PROM1: variants seen among roughly 807,000 people sequenced by gnomAD.
The protein encoded by PROM1 is prominin-1.
Under a neutral mutation model 116.9 loss-of-function variants are expected in PROM1, and 105 were observed. The observed-to-expected ratio is 0.90, with a 90% confidence interval of 0.77 to 1.06. The LOEUF (loss-of-function observed/expected upper bound fraction) is 1.06, where lower values mean the gene tolerates loss of function less well. PROM1 is among the 50% of genes least tolerant of loss of function. The pLI is 0.00. For missense variants in PROM1, 1,122 were observed against 1,045.2 expected, an observed-to-expected ratio of 1.07 and a Z score of -1.01; for synonymous variants, 393 against 387.0, an observed-to-expected ratio of 1.02 and a Z score of -0.18.
chr4:16,004,872 CCTCTCTCTCTCT>C (rs150797542), intron 13 of PROM1, among the ~76,000 whole-genome samples: 2 of 115,252 alleles, frequency 1.7e-5, no homozygotes, highest in Admixed American at 1.8e-4. Flanking sequence ...TCTCTCTCTC[CCTCTCTCTCTCT>C]CTCCCTCCCC....
At chr4:16,015,454 C>T (rs951857991) in intron 10 of PROM1, among the ~76,000 whole-genome samples, 3 of 150,820 alleles carry the variant, frequency 2.0e-5, no homozygotes, top group Non-Finnish European at 4.4e-5. Context: ...CTTTGGAAGG[C>T]CAAGGGGGGC....
At chr4:16,046,799 C>T (rs1442320369) in intron 2 of PROM1, among the ~76,000 whole-genome samples, 1 of 152,202 alleles carries the variant, frequency 6.6e-6, no homozygotes, top group Non-Finnish European at 1.5e-5. Flanking sequence ...GTGGGTACTT[C>T]AGAGACAGCA....
intron 3 of PROM1, among the ~76,000 whole-genome samples, chr4:16,038,665 T>C (rs1243923766): frequency 2.0e-5 from 3 of 152,066 alleles, no homozygotes; most frequent in Non-Finnish European, 4.4e-5. Flanking sequence ...CCTACCAAAG[T>C]GCTGGGATTA....
At chr4:16,045,027 A>C (rs910652330) in intron 2 of PROM1, among the ~76,000 whole-genome samples, 1 of 152,166 alleles carries the variant, frequency 6.6e-6, no homozygotes, top group African/African-American at 2.4e-5. Context: ...ACAGATGCTA[A>C]GAGACATGTT....
At chr4:15,991,482 ATAT>A (rs1368836345) in intron 17 of PROM1, among the ~76,000 whole-genome samples, 189 bp from the exon 18 acceptor site, 3 of 152,130 alleles carry the variant, frequency 2.0e-5, no homozygotes, top group Non-Finnish European at 4.4e-5. Flanking sequence ...TTATTCAATC[ATAT>A]TATTCAACTA....
intron 18 of PROM1, among the ~76,000 whole-genome samples, chr4:15,990,477 T>C (rs1720692765): frequency 6.6e-6 from 1 of 152,044 alleles, no homozygotes; most frequent in Non-Finnish European, 1.5e-5. Flanking sequence ...AAGCAACACA[T>C]GAAATCTTCC....
intron 18 of PROM1, among the ~76,000 whole-genome samples, chr4:15,990,934 C>T (rs1351577567): frequency 6.6e-6 from 1 of 152,274 alleles, no homozygotes; most frequent in Non-Finnish European, 1.5e-5. Flanking sequence ...GGTAGCCCCC[C>T]TCCAGAAGAG....
intron 25 of PROM1, 80 bp downstream of exon 25, chr4:15,979,801 T>C: frequency 8.1e-7 from 1 of 1,234,988 alleles, no homozygotes; most frequent in South Asian, 1.4e-5. Flanking sequence ...TGTTAATAAC[T>C]TAATTTTTAA....
chr4:15,992,526 G>A, intron 16 of PROM1, 135 bp from the exon 17 acceptor site: 1 of 909,376 alleles, frequency 1.1e-6, no homozygotes, highest in Non-Finnish European at 1.6e-6. Context: ...GCTGAGGTGG[G>A]AGGATCGCTT....
intron 2 of PROM1, among the ~76,000 whole-genome samples, chr4:16,063,867 A>G (rs1740907487): frequency 6.6e-6 from 1 of 152,190 alleles, no homozygotes; most frequent in Non-Finnish European, 1.5e-5. Context: ...GCTTCAAAGT[A>G]AAAGAAGGGG....
In PROM1 at chr4:16,025,202, T is replaced by C; in HGVS notation, c.620A>G (p.Glu207Gly). Residue 207 changes from glutamate to glycine, a missense_variant, in exon 6 of 28, where the codon GAA becomes GGA. Coordinates refer to ENST00000447510, the MANE Select transcript of PROM1 (RefSeq NM_006017.3). The stretch of plus-strand genomic sequence containing the variant: ...GATGATGGTTTTTACCTCTGGAGTT[T>C]CATTCAAGAGAGTTCGCAAGTCCTT... ...NFKDLRTLLN[E>G]TPEQIKYILA... 6.2e-7 allele frequency: 1 copy of C among 1,613,810 alleles called. No individual in the cohort carries two copies. Among genetic ancestry groups the C allele is most frequent in the Non-Finnish European group, 8.5e-7 (1 of 1,179,720 alleles).
intron 18 of PROM1, among the ~76,000 whole-genome samples, 177 bp downstream of exon 18, chr4:15,991,045 G>C (rs759796122): frequency 6.6e-6 from 1 of 152,212 alleles, no homozygotes; most frequent in Admixed American, 6.5e-5. Flanking sequence ...GCTCAGAGGG[G>C]TTTGGGACAC....
chr4:16,076,177 A>T (rs1045116443), intron 1 of PROM1, 59 bp from the exon 2 acceptor site: 10 of 509,438 alleles, frequency 2.0e-5, no homozygotes, highest in Non-Finnish European at 9.7e-6. Context: ...CTGCACCTGG[A>T]GCTGCCCGGA....
At chr4:16,066,324 CACTT>C (rs962662653) in intron 2 of PROM1, among the ~76,000 whole-genome samples, 7 of 152,254 alleles carry the variant, frequency 4.6e-5, no homozygotes, top group African/African-American at 1.4e-4. Flanking sequence ...TTTTGACAAA[CACTT>C]AGTATCTACC....
At chr4:16,065,049 C>T (rs1193926099) in intron 2 of PROM1, among the ~76,000 whole-genome samples, 1 of 152,220 alleles carries the variant, frequency 6.6e-6, no homozygotes, top group Non-Finnish European at 1.5e-5. Flanking sequence ...TGTCCAAATA[C>T]ACACAAGAAT....
intron 13 of PROM1, 86 bp downstream of exon 13, chr4:16,006,452 C>T (rs1725498431): frequency 1.5e-5 from 22 of 1,435,736 alleles, no homozygotes; most frequent in Middle Eastern, 2.6e-4. Context: ...GCCCAGAGGG[C>T]GCCGGGTTCA....
intron 26 of PROM1, among the ~76,000 whole-genome samples, chr4:15,978,096 C>G (rs938291113): frequency 6.6e-6 from 1 of 152,172 alleles, no homozygotes; most frequent in Non-Finnish European, 1.5e-5. Context: ...GAGGATTTGG[C>G]AAGACAACGC....
chr4:16,049,069 T>A (rs772967189), intron 2 of PROM1, among the ~76,000 whole-genome samples: 21 of 152,308 alleles, frequency 1.4e-4, no homozygotes, highest in Middle Eastern at 3.4e-3. Flanking sequence ...TGGGCCGGGT[T>A]CCTGTGCTGC....
At chr4:16,080,726 C>T (rs1744881167) in intron 1 of PROM1, 1 of 152,238 alleles carries the variant, frequency 6.6e-6, no homozygotes, top group South Asian at 2.1e-4. Flanking sequence ...GGCAGCCCTG[C>T]CTTGCATTGT....
Sources: gnomAD v4.1 joint callset for allele counts (sites outside exome capture counted in the v4.1 genomes callset) on GRCh38, gnomAD v4.1.1 for gene constraint, MANE v1.5 for transcripts, NCBI Gene and HGNC (gene_info 2026-07-23, HGNC 2026-07-21) for gene names.